ZNF185: variants seen among roughly 807,000 people sequenced by gnomAD.
ZNF185 encodes the protein zinc finger protein 185 with LIM domain.
Under a neutral mutation model 58.6 loss-of-function variants are expected in ZNF185, and 56 were observed. The ratio of observed to expected loss-of-function variants is 0.95; its 90% CI spans 0.77 to 1.19. ZNF185 has a LOEUF of 1.19. ZNF185 is among the 50% of genes most tolerant of loss of function. The probability of loss-of-function intolerance (pLI) is 0.00; values close to 1 mark genes in which losing one functional copy is unlikely to be tolerated. For missense variants in ZNF185, 627 were observed against 573.5 expected (o/e 1.09, Z -0.95); for synonymous variants, 230 against 215.9 (o/e 1.07, Z -0.57).
chrX:152,940,429 G>A (rs868994399), intron 15 of ZNF185, among the ~76,000 whole-genome samples: 1 of 92,468 alleles, frequency 1.1e-5, no homozygotes, highest in African/African-American at 3.9e-5. Context: ...TGGTGGGGGT[G>A]GGGGTGGGGG....
chrX:152,907,409 C>A, the ZNF185 span, among the ~76,000 whole-genome samples: 317 of 113,175 alleles, frequency 2.8e-3, 1 homozygote, highest in Non-Finnish European at 4.3e-3. Context: ...TGCTGGGCAA[C>A]CTTCAGAGGC....
At chrX:152,904,137 G>T in the ZNF185 span, among the ~76,000 whole-genome samples, 48 of 111,286 alleles carry the variant, frequency 4.3e-4, no homozygotes, top group African/African-American at 1.6e-3. Context: ...CTGCCACCCT[G>T]TTGGCCTCCA....
chrX:152,907,193 C>A, the ZNF185 span, among the ~76,000 whole-genome samples: 3 of 112,185 alleles, frequency 2.7e-5, no homozygotes, highest in African/African-American at 9.7e-5. Flanking sequence ...CACGCTCCAG[C>A]ACCTGCGTCA....
chrX:152,965,474 C>G lies in ZNF185; in HGVS notation c.1746C>G (p.Tyr582Ter), dbSNP rs374699157. 1 of 1,187,145 alleles carries G rather than the reference C, an allele frequency of 8.4e-7. No homozygotes were observed. Among genetic ancestry groups the G allele is most frequent in the South Asian group, 1.9e-5 (1 of 53,803 alleles). ...AAGGGATTCTCTTCGTGAAGGAGTA[C>G]GTGAATGCTAGTGAAGTGTCTTCTG... The change falls in exon 19 of 23, where the codon TAC becomes TAG. Residue 582 changes from tyrosine to a stop codon, truncating the protein, a stop_gained. Coordinates refer to ENST00000449285, the Ensembl canonical transcript of ZNF185. LOFTEE classifies it high-confidence loss of function.
Position 152,959,900 on chromosome X carries a change from C to G in ZNF185, c.1607+4C>G. 1 of 1,206,488 alleles carries G rather than the reference C, an allele frequency of 8.3e-7. No homozygotes were observed. The highest frequency in any genetic ancestry group is 1.1e-6 in the Non-Finnish European group (1 of 892,446). The stretch of plus-strand genomic sequence containing the variant: ...GACGAGAGAGCTGCACCAGCAGGTA[C>G]GAGCCAAACTGCACTGGGACCTTAC... On this transcript the variant is annotated splice_donor_region_variant and intron_variant, in intron 17 of 22. Transcript: ENST00000449285.
chrX:152,941,950 C>T, intron 15 of ZNF185: 2 of 958,263 alleles, frequency 2.1e-6, no homozygotes, highest in Non-Finnish European at 2.7e-6. Context: ...GAGCTTGTTT[C>T]GCAGGGAGCC....
the ZNF185 span, among the ~76,000 whole-genome samples, chrX:152,902,449 C>G: frequency 4.4e-5 from 5 of 113,126 alleles, no homozygotes; most frequent in Non-Finnish European, 9.4e-5. Flanking sequence ...ACCGGCATCC[C>G]TGGTGAAAAT....
intron 14 of ZNF185, among the ~76,000 whole-genome samples, chrX:152,934,372 C>T (rs782141058): frequency 5.3e-5 from 6 of 112,384 alleles, no homozygotes; most frequent in Non-Finnish European, 1.1e-4. Flanking sequence ...ACCCCGCCTG[C>T]TTATACACCC....
chrX:152,941,344 G>A (rs189920389), intron 15 of ZNF185, among the ~76,000 whole-genome samples: 1 of 112,336 alleles, frequency 8.9e-6, no homozygotes, highest in Non-Finnish European at 1.9e-5. Context: ...AGAGATCTGG[G>A]ATGCTGCCCC....
At chrX:152,914,517 A>G in exon 1 of ZNF185, 1 of 1,180,940 alleles carries the variant, frequency 8.5e-7, no homozygotes, top group Non-Finnish European at 1.1e-6. Context: ...TGGAGGCCGC[A>G]CCAAAGGTGA....
chrX:152,928,775 A>G, intron 12 of ZNF185, 114 bp downstream of exon 13: 1 of 753,082 alleles, frequency 1.3e-6, no homozygotes, highest in Non-Finnish European at 1.9e-6. Context: ...TGTAGGGCCA[A>G]CAGGTTGATG....
intron 14 of ZNF185, among the ~76,000 whole-genome samples, chrX:152,934,642 C>G (rs1387415008): frequency 1.8e-5 from 2 of 111,832 alleles, no homozygotes; most frequent in African/African-American, 6.5e-5. Flanking sequence ...TGCACATCCT[C>G]CTGTACCCTT....
chrX:152,924,845 C>T lies in ZNF185; in HGVS notation c.830+2036C>T, dbSNP rs373779890. 1.0e-3 allele frequency among the ~76,000 whole-genome samples: 113 copies of T among 112,042 alleles called. 1 individual carries two copies. The East Asian group carries it at 0.027, about 27-fold the overall frequency. On this transcript the variant is annotated intron_variant, in intron 11 of 22. Coordinates refer to ENST00000449285, the Ensembl canonical transcript of ZNF185. ...GATTACAGGTGCACGCGACCACGCC[C>T]GGCTAATTTTTGTATTTTTAGTAGA...
At chrX:152,905,667 T>C in the ZNF185 span, among the ~76,000 whole-genome samples, 1 of 108,631 alleles carries the variant, frequency 9.2e-6, no homozygotes, top group Non-Finnish European at 1.9e-5. Context: ...TCCACCCCTA[T>C]TTTACCAAGG....
chrX:152,969,523 A>G, intron 21 of ZNF185, 39 bp downstream of exon 23: 1 of 1,056,744 alleles, frequency 9.5e-7, no homozygotes, highest in South Asian at 2.0e-5. Context: ...CTAGGCGGTA[A>G]CTCCTGATCA....
chrX:152,911,643 C>CATCCCATCCT (rs1937240317), upstream of ZNF185, among the ~76,000 whole-genome samples: 1 of 66,627 alleles, frequency 1.5e-5, no homozygotes, highest in African/African-American at 5.9e-5. Flanking sequence ...CATCCCATCC[C>CATCCCATCCT]ATCCCATCCC....
chrX:152,936,918 C>T (rs1006881920), intron 14 of ZNF185, among the ~76,000 whole-genome samples: 18 of 110,715 alleles, frequency 1.6e-4, no homozygotes, highest in Non-Finnish European at 3.0e-4. Context: ...GGCTCAGTTC[C>T]CAGGAGCACA....
the ZNF185 span, among the ~76,000 whole-genome samples, chrX:152,906,973 G>A: frequency 0.018 from 2,002 of 110,820 alleles, 46 homozygotes; most frequent in African/African-American, 0.061. Context: ...GGCCCTGCCT[G>A]GCGTCCTACT....
At chrX:152,923,019 CTG>C (rs1174601262) in intron 11 of ZNF185, among the ~76,000 whole-genome samples, 12 of 112,468 alleles carry the variant, frequency 1.1e-4, no homozygotes, top group African/African-American at 3.9e-4. Flanking sequence ...GCTCTCTTGT[CTG>C]TGGACAACTA....
Sources: gnomAD v4.1 joint callset for allele counts (sites outside exome capture counted in the v4.1 genomes callset) on GRCh38, gnomAD v4.1.1 for gene constraint, MANE v1.5 for transcripts, NCBI Gene and HGNC (gene_info 2026-07-23, HGNC 2026-07-21) for gene names.